Variants in TJP1 observed in about 807,000 individuals in gnomAD.
The protein encoded by TJP1 is tight junction protein ZO-1.
In TJP1, 43 loss-of-function variants were observed where a neutral mutation model predicts 194.2. The ratio of observed to expected loss-of-function variants is 0.22; its 90% CI spans 0.17 to 0.29. TJP1 has a LOEUF of 0.29. Ranked by LOEUF, TJP1 falls within the 10% of genes least tolerant of loss-of-function variation. The pLI is 1.00. For synonymous variants in TJP1, 801 were observed against 779.0 expected, an observed-to-expected ratio of 1.03 and a Z score of -0.47; for missense variants, 1,971 against 2,185.7, an observed-to-expected ratio of 0.90 and a Z score of 1.96.
intron 1 of TJP1, among the ~76,000 whole-genome samples, chr15:29,956,856 G>A (rs962997719): frequency 2.0e-5 from 3 of 152,004 alleles, no homozygotes; most frequent in Admixed American, 6.6e-5. Context: ...ACTCCAGCCT[G>A]AGAGATAAGA....
intron 1 of TJP1, among the ~76,000 whole-genome samples, chr15:29,966,834 A>T (rs911119242): frequency 6.6e-6 from 1 of 152,110 alleles, no homozygotes; most frequent in Non-Finnish European, 1.5e-5. Context: ...GCTGGTGCTG[A>T]TATTTCCCAT....
At chr15:29,720,857 T>C (rs932022222) in intron 18 of TJP1, 149 bp from the exon 19 acceptor site, 12 of 657,326 alleles carry the variant, frequency 1.8e-5, no homozygotes, top group South Asian at 8.3e-5. Flanking sequence ...GTCAAGAAGA[T>C]TGTACAAGCA....
intron 2 of TJP1, among the ~76,000 whole-genome samples, chr15:29,866,277 A>G (rs1352273804): frequency 6.6e-6 from 1 of 152,244 alleles, no homozygotes; most frequent in Non-Finnish European, 1.5e-5. Context: ...CCCAAATTTC[A>G]ACACATTTTT....
intron 15 of TJP1, among the ~76,000 whole-genome samples, chr15:29,729,737 A>G (rs970648270): frequency 1.3e-5 from 2 of 151,540 alleles, no homozygotes; most frequent in Non-Finnish European, 1.5e-5. Flanking sequence ...GGAGAATGGC[A>G]TGAACCCAGG....
chr15:29,735,748 G>A (rs2043988041), intron 11 of TJP1, among the ~76,000 whole-genome samples: 1 of 152,100 alleles, frequency 6.6e-6, no homozygotes, highest in Admixed American at 6.6e-5. Flanking sequence ...GACCTAACTT[G>A]ATTGACAACA....
chr15:29,739,343 T>C (rs1011119090), intron 10 of TJP1, among the ~76,000 whole-genome samples: 1 of 152,246 alleles, frequency 6.6e-6, no homozygotes, highest in Non-Finnish European at 1.5e-5. Context: ...TCATTGGCTT[T>C]AAATGAAAAA....
chr15:29,728,269 GCA>G, intron 15 of TJP1: 1 of 380,600 alleles, frequency 2.6e-6, no homozygotes, highest in South Asian at 4.8e-5. Context: ...ATACAGGAAT[GCA>G]CATTTTTTTC....
At chr15:29,949,372 C>A (rs2055453467) in intron 2 of TJP1, among the ~76,000 whole-genome samples, 1 of 146,270 alleles carries the variant, frequency 6.8e-6, no homozygotes, top group Non-Finnish European at 1.5e-5. Context: ...CAACCATCTT[C>A]ACCACTGCTA....
At position 29,741,420 on chromosome 15, in the gene TJP1, A is replaced by G. The variant is rs372334027; in HGVS notation, c.1167T>C (p.Tyr389=). ...CCACATCTGGTTGCCCAACTTGGGC[A>G]TACACAGGCTTTGGTTCTAAGAAAA... is the stretch of plus-strand genomic sequence containing the variant. ...TPSLPEPKPV[Y]AQVGQPDVDL... The change falls in exon 10 of 28, where the codon TAT becomes TAC. Residue 389 remains tyrosine, a synonymous_variant. Transcript: ENST00000614355. 9.3e-6 allele frequency: 15 copies of G among 1,608,456 alleles called. No individual in the cohort carries two copies. The highest frequency in any genetic ancestry group is 1.3e-5 in the African/African-American group (1 of 74,482).
At chr15:29,796,351 AC>A (rs201337605) in intron 2 of TJP1, among the ~76,000 whole-genome samples, 10 of 151,498 alleles carry the variant, frequency 6.6e-5, no homozygotes, top group East Asian at 2.0e-4. Flanking sequence ...AAAAAAAAAA[AC>A]AAAAAAAAAC....
chr15:29,910,513 GT>G (rs2053978851), intron 2 of TJP1, among the ~76,000 whole-genome samples: 1 of 152,134 alleles, frequency 6.6e-6, no homozygotes, highest in South Asian at 2.1e-4. Context: ...TTTAAACACT[GT>G]TTATATGTAG....
At chr15:29,777,618 G>A (rs2047098456) in intron 2 of TJP1, among the ~76,000 whole-genome samples, 2 of 151,856 alleles carry the variant, frequency 1.3e-5, no homozygotes, top group African/African-American at 4.8e-5. Flanking sequence ...TTCAGAAAAG[G>A]GAGGCTATAG....
intron 2 of TJP1, among the ~76,000 whole-genome samples, chr15:29,858,444 T>C (rs1259070609): frequency 6.6e-6 from 1 of 152,194 alleles, no homozygotes; most frequent in African/African-American, 2.4e-5. Flanking sequence ...GGTATAAATA[T>C]TAATCCAATG....
At chr15:29,841,398 G>A (rs1472181743) in intron 2 of TJP1, among the ~76,000 whole-genome samples, 1 of 152,122 alleles carries the variant, frequency 6.6e-6, no homozygotes, top group Non-Finnish European at 1.5e-5. Flanking sequence ...GATTAAAATG[G>A]CTCTTAACTA....
intron 19 of TJP1, 101 bp downstream of exon 19, chr15:29,720,257 A>G: frequency 8.4e-7 from 1 of 1,188,878 alleles, no homozygotes. Context: ...TTAATTCTTA[A>G]TCTGGAGAAA....
At chr15:29,900,882 A>G (rs2152196160) in intron 2 of TJP1, among the ~76,000 whole-genome samples, 1 of 152,300 alleles carries the variant, frequency 6.6e-6, no homozygotes, top group Admixed American at 6.5e-5. Flanking sequence ...ATCATCCTTT[A>G]TAGTACAAGC....
chr15:29,880,455 G>T (rs1168498169), intron 2 of TJP1, among the ~76,000 whole-genome samples: 1 of 151,894 alleles, frequency 6.6e-6, no homozygotes, highest in Non-Finnish European at 1.5e-5. Flanking sequence ...TGTTTTTTGT[G>T]GTAAAATCTA....
intron 2 of TJP1, among the ~76,000 whole-genome samples, chr15:29,909,879 G>C (rs1033665352): frequency 6.6e-6 from 1 of 152,138 alleles, no homozygotes; most frequent in Non-Finnish European, 1.5e-5. Flanking sequence ...CCATCCATCA[G>C]TTAAGTTGTT....
chr15:29,842,606 A>G (rs539557620), intron 2 of TJP1, among the ~76,000 whole-genome samples: 175 of 152,296 alleles, frequency 1.1e-3, no homozygotes, highest in African/African-American at 4.1e-3. Context: ...CCACACAGAC[A>G]GTGGCCCCGC....
Sources: gnomAD v4.1 joint callset for allele counts (sites outside exome capture counted in the v4.1 genomes callset) on GRCh38, gnomAD v4.1.1 for gene constraint, MANE v1.5 for transcripts, NCBI Gene and HGNC (gene_info 2026-07-23, HGNC 2026-07-21) for gene names.